Variants in PPP2R5C observed in about 807,000 individuals in gnomAD.
PPP2R5C encodes the protein serine/threonine-protein phosphatase 2A 56 kDa regulatory subunit gamma isoform.
Under a neutral mutation model 68.9 loss-of-function variants are expected in PPP2R5C, and 7 were observed. That is an observed-to-expected ratio of 0.10 (90% confidence interval 0.06 to 0.19). The LOEUF is 0.19. Among genes scored for constraint, PPP2R5C ranks in the 10% least tolerant of loss-of-function variants. The pLI is 1.00. For synonymous variants in PPP2R5C, 210 were observed against 222.2 expected (o/e 0.95, Z 0.49); for missense variants, 348 against 641.3 (o/e 0.54, Z 4.94).
intron 1 of PPP2R5C, among the ~76,000 whole-genome samples, chr14:101,838,191 G>A (rs796680403): frequency 2.6e-5 from 4 of 152,336 alleles, no homozygotes; most frequent in African/African-American, 9.6e-5. Flanking sequence ...CAAAGAACAG[G>A]TTTTGGAAGG....
chr14:101,762,116 C>T (rs2036575822), intron 1 of PPP2R5C, among the ~76,000 whole-genome samples, 196 bp downstream of exon 1: 1 of 150,662 alleles, frequency 6.6e-6, no homozygotes, highest in East Asian at 2.0e-4. Flanking sequence ...GCGGGGAGCC[C>T]GGGGATCGCG....
At chr14:101,812,850 T>A (rs1408428251) in intron 1 of PPP2R5C, among the ~76,000 whole-genome samples, 1 of 152,258 alleles carries the variant, frequency 6.6e-6, no homozygotes, top group African/African-American at 2.4e-5. Flanking sequence ...AATGATCACC[T>A]GATTTGTTGT....
chr14:101,905,901 TCTC>T (rs1318569186), intron 9 of PPP2R5C, among the ~76,000 whole-genome samples: 1 of 152,162 alleles, frequency 6.6e-6, no homozygotes, highest in African/African-American at 2.4e-5. Context: ...CGCTGCCTGT[TCTC>T]CTGCCCTGCT....
At chr14:101,787,839 T>G (rs2038190023) in intron 3 of PPP2R5C, among the ~76,000 whole-genome samples, 1 of 152,200 alleles carries the variant, frequency 6.6e-6, no homozygotes, top group Non-Finnish European at 1.5e-5. Context: ...TATATTTGGT[T>G]TACCTTTGTG....
chr14:101,859,354 G>A lies in PPP2R5C; in HGVS notation c.294+2469G>A, dbSNP rs1257442208. ...ATTTCTGCCTTATGCCCACGTGGGC[G>A]GGAAGAAGGCGCAGAGTGGAAACTG... is the stretch of plus-strand genomic sequence containing the variant. On this transcript the variant is annotated intron_variant, in intron 2 of 13. Coordinates refer to ENST00000334743, the Ensembl canonical transcript of PPP2R5C. Among the ~76,000 whole-genome samples, 4 of 152,248 alleles carry A rather than the reference G, an allele frequency of 2.6e-5. No homozygotes were observed. In the South Asian group the frequency reaches 6.2e-4, roughly 24 times the overall value.
At chr14:101,927,983 C>T (rs148393597), downstream of PPP2R5C, 2 of 152,208 alleles carry the variant, frequency 1.3e-5, no homozygotes, top group Non-Finnish European at 2.9e-5. Flanking sequence ...TTTTATTGCT[C>T]ATCATGAAAC....
At chr14:101,787,735 C>G (rs987682256) in intron 3 of PPP2R5C, among the ~76,000 whole-genome samples, 1 of 147,578 alleles carries the variant, frequency 6.8e-6, no homozygotes, top group Admixed American at 6.8e-5. Context: ...CCACTGCACT[C>G]CAGCCTGGGC....
intron 2 of PPP2R5C, among the ~76,000 whole-genome samples, chr14:101,770,837 A>T (rs1416940270): frequency 1.3e-5 from 2 of 152,248 alleles, no homozygotes; most frequent in Non-Finnish European, 2.9e-5. Context: ...TCCTTAGCGG[A>T]GCTGAGTGAG....
intron 1 of PPP2R5C, among the ~76,000 whole-genome samples, chr14:101,817,538 T>C (rs1470273874): frequency 6.6e-6 from 1 of 152,192 alleles, no homozygotes; most frequent in African/African-American, 2.4e-5. Flanking sequence ...TGATGTTTAT[T>C]GGCATTTTTA....
upstream of PPP2R5C, among the ~76,000 whole-genome samples, chr14:101,806,316 G>A (rs1480346296): frequency 6.6e-6 from 1 of 151,292 alleles, no homozygotes; most frequent in Non-Finnish European, 1.5e-5. Context: ...GTGTCCATGT[G>A]TTCTCATTAT....
At chr14:101,834,774 ACT>A (rs78898881) in intron 1 of PPP2R5C, among the ~76,000 whole-genome samples, 3 of 151,906 alleles carry the variant, frequency 2.0e-5, no homozygotes, top group African/African-American at 7.3e-5. Context: ...TCAGAAATCA[ACT>A]CTAATTGACT....
intron 3 of PPP2R5C, among the ~76,000 whole-genome samples, chr14:101,791,109 A>G (rs2038345074): frequency 6.6e-6 from 1 of 152,172 alleles, no homozygotes; most frequent in African/African-American, 2.4e-5. Context: ...GAAAAGAAAA[A>G]GAAACTGCCA....
At chr14:101,923,215 A>T (rs1452422944) in intron 13 of PPP2R5C, among the ~76,000 whole-genome samples, 1 of 152,150 alleles carries the variant, frequency 6.6e-6, no homozygotes, top group African/African-American at 2.4e-5. Flanking sequence ...CATCAATTTA[A>T]AATGTCTAAG....
chr14:101,792,233 C>G (rs1050207632), intron 3 of PPP2R5C, among the ~76,000 whole-genome samples: 5 of 152,214 alleles, frequency 3.3e-5, no homozygotes, highest in Non-Finnish European at 5.9e-5. Context: ...GCTAAATTTT[C>G]AGTTTTACTA....
intron 2 of PPP2R5C, among the ~76,000 whole-genome samples, chr14:101,778,174 T>C (rs543166599): frequency 6.6e-6 from 1 of 152,320 alleles, no homozygotes; most frequent in South Asian, 2.1e-4. Context: ...CATCTAAAGG[T>C]GGTGAGCATC....
chr14:101,797,437 A>AG lies in PPP2R5C; in HGVS notation c.259+11255dup. On this transcript the variant is annotated intron_variant, in intron 3 of 14. Transcript: ENST00000328724. This position sits in a 1 kb window ranked among gnomAD's most constrained non-coding sequence, Gnocchi z 4.2. ...TCTGCCAAGGACCCAGGAAACACAC[A>AG]GTGTGTCTCCTGAAGGAATGAAAAG... 2.5e-6 allele frequency: 1 copy of AG among 394,706 alleles called. No homozygotes were observed. Among genetic ancestry groups the AG allele is most frequent in the East Asian group, 7.3e-5 (1 of 13,680 alleles). 24.5% of individuals were successfully genotyped at this position (394,706 alleles called of 1,614,324 possible).
chr14:101,925,553 T>C (rs2047255265), exon 14 of PPP2R5C: 1 of 292,914 alleles, frequency 3.4e-6, no homozygotes, highest in East Asian at 6.7e-5. Context: ...GTCAGAGCGA[T>C]AGGAAAGCAC....
chr14:101,848,118 A>G (rs925567840), intron 1 of PPP2R5C, among the ~76,000 whole-genome samples: 25 of 152,362 alleles, frequency 1.6e-4, no homozygotes, highest in Admixed American at 5.2e-4. Flanking sequence ...GAGAATCTTT[A>G]TATAAATAGA....
At chr14:101,808,725 G>A (rs985258610), upstream of PPP2R5C, among the ~76,000 whole-genome samples, 3 of 152,208 alleles carry the variant, frequency 2.0e-5, no homozygotes, top group Non-Finnish European at 4.4e-5. Context: ...GGGGAATTGT[G>A]TGAGAAACTA....
Sources: gnomAD v4.1 joint callset for allele counts (sites outside exome capture counted in the v4.1 genomes callset) on GRCh38, gnomAD v4.1.1 for gene constraint, Gnocchi (gnomAD v3.1) non-coding constraint, MANE v1.5 for transcripts, NCBI Gene and HGNC (gene_info 2026-07-23, HGNC 2026-07-21) for gene names.